AKR1C3: variants seen among roughly 807,000 people sequenced by gnomAD.
The protein encoded by AKR1C3 is 3-alpha hydroxysteroid dehydrogenase, type II.
AKR1C3 carries 48 observed loss-of-function variants against 43.6 expected under a neutral mutation model. The observed-to-expected ratio is 1.10, with a 90% CI of 0.87 to 1.40. AKR1C3 has a LOEUF of 1.40. Among genes scored for constraint, AKR1C3 ranks in the 40% most tolerant of loss-of-function variants. The probability of loss-of-function intolerance (pLI) is 0.00; values close to 1 mark genes in which losing one functional copy is unlikely to be tolerated. For synonymous variants in AKR1C3, 162 were observed against 139.6 expected (o/e 1.16, Z -1.13); for missense variants, 482 against 391.2 (o/e 1.23, Z -1.96).
intron 7 of AKR1C3, among the ~76,000 whole-genome samples, chr10:5,102,946 GTT>G (rs370945874): frequency 1.4e-5 from 2 of 146,828 alleles, no homozygotes; most frequent in Admixed American, 6.8e-5. Flanking sequence ...TTTGGTTTTG[GTT>G]TTTTTTTTTT....
chr10:5,102,379 C>G, intron 6 of AKR1C3, 106 bp from the exon 7 acceptor site: 2 of 1,584,028 alleles, frequency 1.3e-6, no homozygotes, highest in Non-Finnish European at 1.7e-6. Context: ...TCGGGGGCCT[C>G]GCTTGAGAAG....
chr10:5,080,965 T>C (rs1554782291), intron 1 of AKR1C3: 1 of 151,450 alleles, frequency 6.6e-6, no homozygotes. Flanking sequence ...AAGGGACTTT[T>C]GGCAGATAGA....
rs587753506 is a variant in AKR1C3, at chr10:5,103,635, C to T, written c.846+985C>T. Among the ~76,000 whole-genome samples the T allele has an allele frequency of 1.9e-3, 290 of 152,282 alleles. 2 individuals are homozygous for T. The highest frequency in any genetic ancestry group is 6.7e-3 in the African/African-American group (277 of 41,552). On this transcript the variant is annotated intron_variant, in intron 7 of 8. Coordinates refer to ENST00000380554, the MANE Select transcript of AKR1C3 (RefSeq NM_003739.6). ...TTTCTCCTCCATATAGTTCATCCTG[C>T]AGCCATCCAGCCCAGACTTCACCTC...
At chr10:5,073,652 C>A (rs1838654977) in intron 1 of AKR1C3, among the ~76,000 whole-genome samples, 1 of 152,148 alleles carries the variant, frequency 6.6e-6, no homozygotes, top group South Asian at 2.1e-4. Flanking sequence ...AAGGGCAGAG[C>A]ATTGACATAT....
chr10:5,057,887 A>T (rs1302408654), intron 1 of AKR1C3, among the ~76,000 whole-genome samples: 1 of 152,232 alleles, frequency 6.6e-6, no homozygotes, highest in Non-Finnish European at 1.5e-5. Flanking sequence ...CAGTAGCATG[A>T]CATCTCTCCA....
At chr10:5,068,034 A>G (rs1554780944) in intron 1 of AKR1C3, among the ~76,000 whole-genome samples, 1 of 152,234 alleles carries the variant, frequency 6.6e-6, no homozygotes, top group Non-Finnish European at 1.5e-5. Context: ...GTATATTTAA[A>G]TAATTTTAGT....
intron 4 of AKR1C3, among the ~76,000 whole-genome samples, chr10:5,099,089 C>G (rs1280404684): frequency 1.3e-5 from 2 of 152,202 alleles, no homozygotes; most frequent in East Asian, 3.9e-4. Flanking sequence ...ACAGGAATCT[C>G]TTTCCTTGCT....
chr10:5,083,707 G>A (rs1429377546), intron 1 of AKR1C3, among the ~76,000 whole-genome samples: 1 of 152,136 alleles, frequency 6.6e-6, no homozygotes, highest in African/African-American at 2.4e-5. Flanking sequence ...GTGTAAAAGT[G>A]TTCCTATTTC....
chr10:5,106,770 A>C (rs1839511331), intron 8 of AKR1C3, among the ~76,000 whole-genome samples: 1 of 151,738 alleles, frequency 6.6e-6, no homozygotes, highest in African/African-American at 2.4e-5. Context: ...AAAAAGCAGG[A>C]AGTTATGTAA....
In AKR1C3 at chr10:5,060,145, T is replaced by C. The variant is rs1199160184; in HGVS notation, c.84+11250T>C. Among the ~76,000 whole-genome samples, 7 of 152,168 alleles carry C rather than the reference T, an allele frequency of 4.6e-5. No homozygotes were observed. In the East Asian group the frequency reaches 1.4e-3, roughly 29 times the overall value. ...GTGAAGCTGCAGACCTTCATGGTGT[T>C]ACAGCTCATAAAGGCAGTGTGGACC... On this transcript the variant is annotated intron_variant, in intron 1 of 8. Transcript: ENST00000439082.
At chr10:5,076,359 T>C (rs1388901703) in intron 1 of AKR1C3, among the ~76,000 whole-genome samples, 2 of 152,136 alleles carry the variant, frequency 1.3e-5, no homozygotes, top group Non-Finnish European at 2.9e-5. Flanking sequence ...GTGAGTTAGT[T>C]ATCGGAGATT....
At position 5,105,650 on chromosome 10, in the gene AKR1C3, GAAATCTCCACTATTTT is replaced by G; in HGVS notation, c.905_920del (p.Asn302ThrfsTer24). On this transcript the variant is annotated frameshift_variant, in exon 8 of 9. Transcript: ENST00000380554. LOFTEE classifies it low-confidence loss of function (END_TRUNC). The stretch of plus-strand genomic sequence containing the variant: ...ATGAAAGCCATAGATGGCCTAGACA[GAAATCTCCACTATTTT>G]AACAGTGATAGGTAAGTTTCCTTTG... The G allele has an allele frequency of 6.2e-7, 1 of 1,613,884 alleles. No individual in the cohort carries two copies. Among genetic ancestry groups the G allele is most frequent in the Non-Finnish European group, 8.5e-7 (1 of 1,179,802 alleles).
At chr10:5,097,323 T>G in intron 2 of AKR1C3, 111 bp from the exon 3 acceptor site, 1 of 1,281,326 alleles carries the variant, frequency 7.8e-7, no homozygotes, top group South Asian at 1.4e-5. Context: ...TGTTTGCCAG[T>G]GGTCATAAAT....
chr10:5,058,566 C>G (rs4881386), intron 1 of AKR1C3, among the ~76,000 whole-genome samples: 47,581 of 151,966 alleles, frequency 0.31, 7,637 homozygotes, highest in East Asian at 0.39. Context: ...TGTTTCTCCC[C>G]CTGCCCAAGA....
Position 5,097,400 on chromosome 10 carries a change from A to G in AKR1C3, c.253-34A>G, listed in dbSNP as rs782250047. 13 of 1,606,642 alleles carry G rather than the reference A, an allele frequency of 8.1e-6. No homozygotes were observed. In the South Asian group the frequency reaches 1.2e-4, roughly 15 times the overall value. ...AGTAATAAGATTTGCTCAAGCATTC[A>G]TTCAAAATCACCTCCATTCTTTAAC... On this transcript the variant is annotated intron_variant, in intron 2 of 8. Transcript: ENST00000380554.
upstream of AKR1C3, chr10:5,094,114 A>G (rs555066377): frequency 5.2e-5 from 10 of 191,788 alleles, no homozygotes; most frequent in East Asian, 1.6e-3. Context: ...ATAGTCTAAC[A>G]TATGGTTGCT....
chr10:5,058,807 C>G (rs1554779914), intron 1 of AKR1C3, among the ~76,000 whole-genome samples: 1 of 152,142 alleles, frequency 6.6e-6, no homozygotes, highest in East Asian at 1.9e-4. Context: ...AACCTGCACC[C>G]TTGCCTGTCC....
At chr10:5,107,116 C>A (rs1564373934) in intron 8 of AKR1C3, among the ~76,000 whole-genome samples, 1 of 152,080 alleles carries the variant, frequency 6.6e-6, no homozygotes, top group Non-Finnish European at 1.5e-5. Context: ...CTGAATCTTA[C>A]AAAATATATT....
chr10:5,063,764 G>GAAAAAAAAAAAAAAAAAA (rs1406943359), intron 1 of AKR1C3, among the ~76,000 whole-genome samples: 2 of 33,444 alleles, frequency 6.0e-5, no homozygotes, highest in South Asian at 1.0e-3. Flanking sequence ...CTCTGTCTCA[G>GAAAAAAAAAAAAAAAAAA]CAAAAAAAAA....
Sources: gnomAD v4.1 joint callset for allele counts (sites outside exome capture counted in the v4.1 genomes callset) on GRCh38, gnomAD v4.1.1 for gene constraint, MANE v1.5 for transcripts, NCBI Gene and HGNC (gene_info 2026-07-23, HGNC 2026-07-21) for gene names.